The following SLC24A1 variants were observed in gnomAD, a reference collection of about 807,000 sequenced individuals.
SLC24A1 encodes the protein sodium/potassium/calcium exchanger 1.
SLC24A1 carries 52 observed loss-of-function variants against 88.1 expected under a neutral mutation model. The observed-to-expected ratio is 0.59, with a 90% CI of 0.47 to 0.74. SLC24A1 has a LOEUF of 0.74. SLC24A1 is among the 30% of genes least tolerant of loss of function. The pLI is 0.00. For synonymous variants in SLC24A1, 455 were observed against 498.0 expected, an observed-to-expected ratio of 0.91 and a Z score of 1.15; for missense variants, 1,173 against 1,363.3, an observed-to-expected ratio of 0.86 and a Z score of 2.20.
chr15:65,615,098 A>G (rs2074093840), intron 2 of SLC24A1, among the ~76,000 whole-genome samples: 1 of 152,154 alleles, frequency 6.6e-6, no homozygotes, highest in Non-Finnish European at 1.5e-5. Flanking sequence ...CTGTAATCCT[A>G]GCTACTCAGG....
intron 2 of SLC24A1, 27 bp downstream of exon 2, chr15:65,625,997 C>T (rs752870134): frequency 6.5e-7 from 1 of 1,540,238 alleles, no homozygotes; most frequent in Non-Finnish European, 9.0e-7. Context: ...TCAGGTTTCT[C>T]TAGCCCCTTT....
intron 2 of SLC24A1, among the ~76,000 whole-genome samples, chr15:65,628,006 G>A (rs1263133259): frequency 3.3e-5 from 5 of 152,092 alleles, no homozygotes; most frequent in African/African-American, 1.2e-4. Flanking sequence ...TGTTGCCCAG[G>A]CTGGAGTGCA....
intron 4 of SLC24A1, among the ~76,000 whole-genome samples, chr15:65,643,451 C>T (rs887033502): frequency 3.3e-5 from 5 of 152,180 alleles, no homozygotes; most frequent in African/African-American, 9.7e-5. Context: ...CAAAGTCACC[C>T]GGTGCTCATG....
intron 2 of SLC24A1, among the ~76,000 whole-genome samples, chr15:65,626,518 T>G (rs1283647733): frequency 2.0e-5 from 3 of 152,100 alleles, no homozygotes; most frequent in African/African-American, 7.2e-5. Flanking sequence ...GGGTTTTATA[T>G]TTTTGTTTTG....
intron 4 of SLC24A1, among the ~76,000 whole-genome samples, chr15:65,641,116 T>C (rs996371092): frequency 2.6e-5 from 4 of 152,296 alleles, no homozygotes; most frequent in African/African-American, 9.6e-5. Flanking sequence ...GGCTCACGCC[T>C]GTAATCCCAG....
At chr15:65,615,207 A>AAAACAAACAAACAAAC (rs540023763) in intron 2 of SLC24A1, among the ~76,000 whole-genome samples, 1 of 151,994 alleles carries the variant, frequency 6.6e-6, no homozygotes, top group African/African-American at 2.4e-5. Flanking sequence ...CTTATCTCTA[A>AAAACAAACAAACAAAC]AAACAAACAA....
In SLC24A1 at chr15:65,638,024, G is replaced by A. The variant is rs182967121; in HGVS notation, c.1891-104G>A. 763 of 767,026 alleles carry A rather than the reference G, an allele frequency of 9.9e-4. 1 individual carries two copies. The highest frequency in any genetic ancestry group is 1.5e-3 in the Non-Finnish European group (660 of 432,086). The allele number at this position is 767,026 out of a possible 1,614,324, so 47.5% of individuals were successfully genotyped here. A position where few individuals can be genotyped will look rare whatever the true frequency, so the allele number is the denominator to read the frequency against. ...TTTTCTGAGACCAGGTTATCTCGGA[G>A]TGTGTTTCTGTATTTCAACCTGAGG... On this transcript the variant is annotated intron_variant, in intron 2 of 9. Coordinates refer to ENST00000261892, the MANE Select transcript of SLC24A1 (RefSeq NM_004727.3).
At chr15:65,645,740 G>C in intron 6 of SLC24A1, 37 bp downstream of exon 6, 1 of 1,453,654 alleles carries the variant, frequency 6.9e-7, no homozygotes, top group Middle Eastern at 1.7e-4. Context: ...AAATTGGAGA[G>C]GTCTAGGGAA....
In SLC24A1 at chr15:65,652,282, C is replaced by A. The variant is rs148358517; in HGVS notation, c.2884-360C>A. On this transcript the variant is annotated intron_variant, in intron 8 of 9. Transcript: ENST00000261892. Reference sequence around the variant, plus strand: ...TTAGTTCCTGGCACACAGCAAGTGTCCACATTCCTGGAAATAGAAATGCTG... The same window carrying A: ...TTAGTTCCTGGCACACAGCAAGTGTACACATTCCTGGAAATAGAAATGCTG... The A allele has an allele frequency of 8.2e-5, 23 of 280,724 alleles. No individual in the cohort carries two copies. The East Asian group carries it at 1.9e-3, about 23-fold the overall frequency. The allele number at this position is 280,724 out of a possible 1,614,324, so 17.4% of individuals were successfully genotyped here. A position where few individuals can be genotyped will look rare whatever the true frequency, so the allele number is the denominator to read the frequency against.
rs1456874574 is a variant in SLC24A1, at chr15:65,650,648, C to T, written c.2499C>T (p.Leu833=). 6.5e-7 allele frequency: 1 copy of T among 1,548,894 alleles called. No individual in the cohort carries two copies. The highest frequency in any genetic ancestry group is 8.7e-7 in the Non-Finnish European group (1 of 1,145,166). ...AAGGTGAAACTGAAAGCCAGGAACT[C>T]AGTGCTGAAAATCACGGTGAAGCCA... The part of the protein sequence containing the change: ...GNEGETESQE[L]SAENHGEAKN... The change falls in exon 7 of 10, where the codon CTC becomes CTT. Residue 833 remains leucine, a synonymous_variant. Coordinates refer to ENST00000261892, the MANE Select transcript of SLC24A1 (RefSeq NM_004727.3). This position sits in a 1 kb window ranked among gnomAD's most constrained non-coding sequence, Gnocchi z 4.1.
chr15:65,659,685 C>G (rs1414500753), downstream of SLC24A1: 1 of 152,280 alleles, frequency 6.6e-6, no homozygotes, highest in Admixed American at 6.5e-5. Context: ...ACAGGTTTAC[C>G]ACTTTGTATT....
At chr15:65,627,250 C>G (rs2074550717) in intron 2 of SLC24A1, among the ~76,000 whole-genome samples, 1 of 152,210 alleles carries the variant, frequency 6.6e-6, no homozygotes, top group South Asian at 2.1e-4. Flanking sequence ...GTCCTTTGCC[C>G]TCTCTAGGAG....
intron 2 of SLC24A1, among the ~76,000 whole-genome samples, chr15:65,626,907 C>T (rs2074540063): frequency 6.6e-6 from 1 of 152,092 alleles, no homozygotes; most frequent in South Asian, 2.1e-4. Context: ...ACACGGACCC[C>T]ACTTCTCTCC....
At position 65,654,751 on chromosome 15, in the gene SLC24A1, G is replaced by A; in HGVS notation, c.*672G>A. On this transcript the variant is annotated 3_prime_UTR_variant, in exon 10 of 10. Transcript: ENST00000261892. ...ACAGAGTTTGGCTCTTGTTGCCCAG[G>A]CTGGTGTGCAATGGCGTGATCTCGG... 5 of 1,204,836 alleles carry A rather than the reference G, an allele frequency of 4.1e-6. No individual in the cohort carries two copies. The highest frequency in any genetic ancestry group is 5.4e-6 in the Non-Finnish European group (5 of 919,438). 74.6% of individuals were successfully genotyped at this position (1,204,836 alleles called of 1,614,324 possible). A position where few individuals can be genotyped will look rare whatever the true frequency, so the allele number is the denominator to read the frequency against.
rs2075632653 is a variant in SLC24A1, at chr15:65,654,986, A to G, written c.*907A>G. On this transcript the variant is annotated 3_prime_UTR_variant, in exon 10 of 10. Transcript: ENST00000261892. ...GTGAAATTTAAAAAGCAGCCTGAAA[A>G]ATAAAAATTTATAATTTGCCCTTGA... 9.7e-7 allele frequency: 1 copy of G among 1,032,258 alleles called. No homozygotes were observed. The highest frequency in any genetic ancestry group is 1.7e-5 in the African/African-American group (1 of 57,546). 63.9% of individuals were successfully genotyped at this position (1,032,258 alleles called of 1,614,324 possible). A position where few individuals can be genotyped will look rare whatever the true frequency, so the allele number is the denominator to read the frequency against.
At chr15:65,621,867 T>G (rs1389965183), upstream of SLC24A1, 1 of 152,210 alleles carries the variant, frequency 6.6e-6, no homozygotes, top group East Asian at 1.9e-4. Flanking sequence ...ACTTGTACAA[T>G]GCCCTGATAA....
In SLC24A1 at chr15:65,625,896, A is replaced by T; in HGVS notation, c.1816A>T (p.Ile606Phe). The part of the protein sequence containing the change: ...YVFTMKWNKH[I>F]EVWVKEQLSR... Reference sequence around the variant, plus strand: ...GTTCACCATGAAGTGGAACAAGCATATCGAGGTCTGGGTGAAGGAGCAGCT... The same window carrying T: ...GTTCACCATGAAGTGGAACAAGCATTTCGAGGTCTGGGTGAAGGAGCAGCT... The change falls in exon 2 of 10, where the codon ATC (isoleucine) becomes TTC (phenylalanine). Residue 606 changes from isoleucine (I) to phenylalanine (F), a missense_variant. Transcript: ENST00000261892. 9 of 1,614,006 alleles carry T rather than the reference A, an allele frequency of 5.6e-6. No homozygotes were observed. Among genetic ancestry groups the T allele is most frequent in the Admixed American group, 1.7e-5 (1 of 60,032 alleles).
In SLC24A1 at chr15:65,653,899, CTTGTTTTGTGCAA is replaced by C. The variant is rs763161426; in HGVS notation, c.3129_3141del (p.Ala1044PhefsTer8). 6.2e-7 allele frequency: 1 copy of C among 1,613,930 alleles called. No individual in the cohort carries two copies. ...AGCCAGTTCCAGTCAGCAGCAATGG[CTTGTTTTGTGCAA>C]TTGTTTTGCTTTTTCTCATGCTTCT... On this transcript the variant is annotated frameshift_variant, in exon 10 of 10. Transcript: ENST00000261892. LOFTEE classifies it high-confidence loss of function.
At chr15:65,660,180 G>A, downstream of SLC24A1, 1 of 753,322 alleles carries the variant, frequency 1.3e-6, no homozygotes, top group Non-Finnish European at 2.3e-6. Context: ...CAAAGGAGAG[G>A]CAGATATATG....
Sources: gnomAD v4.1 joint callset for allele counts (sites outside exome capture counted in the v4.1 genomes callset) on GRCh38, gnomAD v4.1.1 for gene constraint, Gnocchi (gnomAD v3.1) non-coding constraint, MANE v1.5 for transcripts, NCBI Gene and HGNC (gene_info 2026-07-23, HGNC 2026-07-21) for gene names.